The following CPA6 variants were observed in gnomAD, a reference collection of about 807,000 sequenced individuals.
CPA6 encodes the protein carboxypeptidase A6, also known as carboxypeptidase B.
CPA6 carries 58 observed loss-of-function variants against 63.3 expected under a neutral mutation model. The ratio of observed to expected loss-of-function variants is 0.92; its 90% CI spans 0.74 to 1.14. The LOEUF (loss-of-function observed/expected upper bound fraction) is 1.14. Ranked by LOEUF, CPA6 falls within the 50% of genes most tolerant of loss-of-function variation. The pLI is 0.00. For missense variants in CPA6, 565 were observed against 526.6 expected (o/e 1.07, Z -0.71); for synonymous variants, 185 against 179.0 (o/e 1.03, Z -0.27).
intron 1 of CPA6, among the ~76,000 whole-genome samples, chr8:67,669,666 A>G (rs1816301773): frequency 6.6e-6 from 1 of 152,170 alleles, no homozygotes; most frequent in African/African-American, 2.4e-5. Flanking sequence ...ATACTTTCCT[A>G]TCACTGTGTT....
chr8:67,661,328 A>AGTAGGGTG (rs1489669392), intron 1 of CPA6, among the ~76,000 whole-genome samples: 9 of 152,094 alleles, frequency 5.9e-5, no homozygotes, highest in Non-Finnish European at 1.3e-4. Flanking sequence ...GCTGGAGTAG[A>AGTAGGGTG]GTAGGGTGGT....
At chr8:67,699,283 G>A (rs529273720) in intron 1 of CPA6, among the ~76,000 whole-genome samples, 1 of 152,166 alleles carries the variant, frequency 6.6e-6, no homozygotes, top group South Asian at 2.1e-4. Context: ...GGGTGTGGTG[G>A]CATGTACCTA....
rs181631465 is a variant in CPA6 at position 67,729,483 on chromosome 8, C to T, written c.116+16531G>A. Reference sequence around the variant, plus strand: ...ACAAAACTTCCATGTGCCTGTTAATCTCTGTAGAGATCGGACTTGAAGAAT... The same window carrying T: ...ACAAAACTTCCATGTGCCTGTTAATTTCTGTAGAGATCGGACTTGAAGAAT... On this transcript the variant is annotated intron_variant, in intron 1 of 10. Transcript: ENST00000297770. Among the ~76,000 whole-genome samples, 521 of 152,290 alleles carry T rather than the reference C, an allele frequency of 3.4e-3. 9 individuals carry two copies. The highest frequency in any genetic ancestry group is 0.03 in the Admixed American group (452 of 15,302).
In CPA6 at chr8:67,629,902, C is replaced by T. The variant is rs141812876; in HGVS notation, c.117-5651G>A. ...CGGGTGGATCACGAGGTCAGGAGAT[C>T]GAGACCATCTTGGCTAACACAGTGA... On this transcript the variant is annotated intron_variant, in intron 1 of 10. Transcript: ENST00000297770. Among the ~76,000 whole-genome samples, 1,121 of 151,872 alleles carry T rather than the reference C, an allele frequency of 7.4e-3. 15 individuals are homozygous for T. The highest frequency in any genetic ancestry group is 0.026 in the African/African-American group (1,060 of 41,412).
intron 1 of CPA6, among the ~76,000 whole-genome samples, chr8:67,658,305 A>G (rs77799250): frequency 0.045 from 6,838 of 152,252 alleles, 520 homozygotes; most frequent in African/African-American, 0.15. Context: ...CCCTGGCTGC[A>G]GCACAAACTT....
chr8:67,607,140 T>TCCC (rs1366464856), intron 2 of CPA6, among the ~76,000 whole-genome samples: 3 of 58,536 alleles, frequency 5.1e-5, no homozygotes, highest in African/African-American at 2.3e-4. Flanking sequence ...CTCCTCCCCC[T>TCCC]CCTCCCCCCC....
At chr8:67,480,008 G>A (rs1205592596) in intron 8 of CPA6, among the ~76,000 whole-genome samples, 3 of 151,562 alleles carry the variant, frequency 2.0e-5, no homozygotes, top group African/African-American at 4.8e-5. Flanking sequence ...GGTGGTGGTC[G>A]GAAAAGGGCA....
At chr8:67,529,416 G>C (rs567220642) in intron 2 of CPA6, among the ~76,000 whole-genome samples, 1 of 152,112 alleles carries the variant, frequency 6.6e-6, no homozygotes, top group Non-Finnish European at 1.5e-5. Flanking sequence ...CCCTACACAG[G>C]CTCAGGAATC....
chr8:67,540,038 C>T (rs1812670758), intron 2 of CPA6, among the ~76,000 whole-genome samples: 1 of 152,146 alleles, frequency 6.6e-6, no homozygotes, highest in African/African-American at 2.4e-5. Context: ...GTTTTGTTCC[C>T]TTGCTGGTGA....
intron 1 of CPA6, among the ~76,000 whole-genome samples, chr8:67,637,917 A>G (rs1274191693): frequency 2.0e-5 from 3 of 151,184 alleles, no homozygotes; most frequent in Admixed American, 2.0e-4. Context: ...TGCCAGCATA[A>G]TTTGTTGGGC....
At chr8:67,735,684 TTTTTTTC>T (rs1370545888) in intron 1 of CPA6, 1 of 151,698 alleles carries the variant, frequency 6.6e-6, no homozygotes, top group Non-Finnish European at 1.5e-5. Context: ...AGTCTTTTTT[TTTTTTTC>T]TTTCTTCCAT....
chr8:67,638,757 A>T (rs1815525059), intron 1 of CPA6, among the ~76,000 whole-genome samples: 1 of 151,514 alleles, frequency 6.6e-6, no homozygotes, highest in South Asian at 2.1e-4. Context: ...TCCCATGAAA[A>T]CTGTTGAGAT....
At chr8:67,446,702 T>C (rs1195350550) in intron 8 of CPA6, among the ~76,000 whole-genome samples, 1 of 152,232 alleles carries the variant, frequency 6.6e-6, no homozygotes, top group Non-Finnish European at 1.5e-5. Context: ...CATTGTTATA[T>C]TATCACTTTC....
chr8:67,741,620 G>A (rs1273602700), intron 1 of CPA6, among the ~76,000 whole-genome samples: 1 of 152,136 alleles, frequency 6.6e-6, no homozygotes, highest in Non-Finnish European at 1.5e-5. Context: ...ATTCTCAATA[G>A]GAGCGAGAAC....
chr8:67,607,854 C>G (rs1023476182), intron 2 of CPA6, among the ~76,000 whole-genome samples: 2 of 152,134 alleles, frequency 1.3e-5, no homozygotes, highest in Admixed American at 6.5e-5. Context: ...TTTCAATGTA[C>G]CATTTTCTCT....
At chr8:67,556,810 C>T (rs1813072614) in intron 2 of CPA6, among the ~76,000 whole-genome samples, 1 of 152,234 alleles carries the variant, frequency 6.6e-6, no homozygotes, top group South Asian at 2.1e-4. Context: ...ACAAGAGCGG[C>T]AGCGCCGAGA....
In CPA6 at chr8:67,624,161, T is replaced by C. The variant is rs1815144869; in HGVS notation, c.192+15A>G. 7.0e-7 allele frequency: 1 copy of C among 1,438,644 alleles called. No homozygotes were observed. Among genetic ancestry groups the C allele is most frequent in the East Asian group, 2.3e-5 (1 of 43,968 alleles). The allele number at this position is 1,438,644 out of a possible 1,614,324, so 89.1% of individuals were successfully genotyped here. On this transcript the variant is annotated intron_variant, in intron 2 of 10. Coordinates refer to ENST00000297770, the MANE Select transcript of CPA6 (RefSeq NM_020361.5). ...CAAGCACAATTCTACCATAAGTGTG[T>C]AGATGTTCTATTACCTTAAGTTGAT...
At chr8:67,638,666 G>A (rs973566116) in intron 1 of CPA6, among the ~76,000 whole-genome samples, 3 of 151,584 alleles carry the variant, frequency 2.0e-5, no homozygotes, top group Non-Finnish European at 2.9e-5. Flanking sequence ...CAGGGGCAGC[G>A]TATGCTGAGG....
At chr8:67,518,148 A>G (rs893823479) in intron 2 of CPA6, 101 bp from the exon 3 acceptor site, 1 of 1,154,986 alleles carries the variant, frequency 8.7e-7, no homozygotes, top group African/African-American at 1.6e-5. Flanking sequence ...TAGTAACACC[A>G]AACATATTTT....
Sources: allele counts gnomAD v4.1 joint callset (sites outside exome capture counted in the v4.1 genomes callset), GRCh38; gene constraint gnomAD v4.1.1; transcripts MANE v1.5; gene names NCBI Gene and HGNC (gene_info 2026-07-23, HGNC 2026-07-21).